The following LCORL variants were observed in gnomAD, a reference collection of about 807,000 sequenced individuals.
LCORL encodes the protein ligand dependent nuclear receptor corepressor like.
In LCORL, 41 loss-of-function variants were observed where a neutral mutation model predicts 141.8. That is an observed-to-expected ratio of 0.29 (90% CI 0.23 to 0.38). LCORL has a LOEUF of 0.38. Ranked by LOEUF, LCORL falls within the 10% of genes least tolerant of loss-of-function variation. LCORL has a pLI of 1.00. For synonymous variants in LCORL, 618 were observed against 694.1 expected (o/e 0.89, Z 1.72); for missense variants, 1,759 against 2,035.0 (o/e 0.86, Z 2.61).
Position 17,885,908 on chromosome 4 carries a change from GAGAA to G in LCORL, c.776+156_776+159del, listed in dbSNP as rs530054062. Among the ~76,000 whole-genome samples the G allele has an allele frequency of 1.9e-4, 29 of 151,940 alleles. No homozygotes were observed. In the South Asian group the frequency reaches 5.4e-3, roughly 28 times the overall value. Reference sequence around the variant, plus strand: ...TTTAACAGAAAGAATAAAAAAGAAAGAGAAAGGACAAATGAAAGGTATGAGAGAG... The same window carrying G: ...TTTAACAGAAAGAATAAAAAAGAAAGAGGACAAATGAAAGGTATGAGAGAG... On this transcript the variant is annotated intron_variant, in intron 6 of 7. Coordinates refer to ENST00000635767, the Ensembl canonical transcript of LCORL.
chr4:17,993,087 G>A (rs1029217472), intron 1 of LCORL, among the ~76,000 whole-genome samples: 2 of 151,902 alleles, frequency 1.3e-5, no homozygotes, highest in Admixed American at 1.3e-4. Flanking sequence ...AAAGACACAG[G>A]GACAAGAAAA....
At chr4:18,008,745 C>G (rs551539998) in intron 1 of LCORL, among the ~76,000 whole-genome samples, 10 of 152,208 alleles carry the variant, frequency 6.6e-5, no homozygotes, top group African/African-American at 2.4e-4. Context: ...TTTCAAGGGG[C>G]AATTCTTGGT....
intron 1 of LCORL, among the ~76,000 whole-genome samples, chr4:17,996,360 T>TA (rs1720923509): frequency 6.6e-6 from 1 of 152,124 alleles, no homozygotes; most frequent in African/African-American, 2.4e-5. Flanking sequence ...TAGCATGCTT[T>TA]AAAAGAAGAA....
rs181110717 is a variant in LCORL, at chr4:17,976,496, T to G, written c.155-3611A>C. On this transcript the variant is annotated intron_variant, in intron 1 of 7. Coordinates refer to ENST00000635767, the Ensembl canonical transcript of LCORL. ...CTTTTCACCATCTACTTTAAAACATTATAGTACCACTTAGTATGTAATGTA... is the reference window on the plus strand; with the variant it reads ...CTTTTCACCATCTACTTTAAAACATGATAGTACCACTTAGTATGTAATGTA... 6.2e-4 allele frequency among the ~76,000 whole-genome samples: 95 copies of G among 152,304 alleles called. 1 individual carries two copies. The highest frequency in any genetic ancestry group is 1.1e-3 in the Admixed American group (17 of 15,294).
At chr4:17,956,328 A>T (rs1712621257) in intron 4 of LCORL, among the ~76,000 whole-genome samples, 1 of 152,160 alleles carries the variant, frequency 6.6e-6, no homozygotes, top group African/African-American at 2.4e-5. Flanking sequence ...AAGGAAAAGA[A>T]ATCAGTATAT....
intron 4 of LCORL, among the ~76,000 whole-genome samples, chr4:17,944,941 A>G (rs1022013421): frequency 1.3e-5 from 2 of 152,208 alleles, no homozygotes; most frequent in African/African-American, 4.8e-5. Context: ...TATAATATAC[A>G]ACTAGCCAAT....
Position 17,912,820 on chromosome 4 carries a change from T to C in LCORL, c.431-3475A>G. On this transcript the variant is annotated intron_variant, in intron 4 of 7. Coordinates refer to ENST00000635767, the Ensembl canonical transcript of LCORL. Reference sequence around the variant, plus strand: ...CAAACATCAAGGTCAAGCTGGAGGCTAAGATCGACACCTGCTGGAAGATGG... The same window carrying C: ...CAAACATCAAGGTCAAGCTGGAGGCCAAGATCGACACCTGCTGGAAGATGG... 4 of 432,778 alleles carry C rather than the reference T, an allele frequency of 9.2e-6. 1 individual carries two copies. The highest frequency in any genetic ancestry group is 5.6e-5 in the South Asian group (3 of 53,712). 26.8% of individuals were successfully genotyped at this position (432,778 alleles called of 1,614,324 possible).
At chr4:17,875,441 G>A in exon 7 of LCORL, 5 of 1,231,290 alleles carry the variant, frequency 4.1e-6, no homozygotes, top group Non-Finnish European at 5.1e-6. Flanking sequence ...TAATATTTCT[G>A]GGACTATTAT....
intron 1 of LCORL, among the ~76,000 whole-genome samples, chr4:18,013,269 T>C (rs1300575271): frequency 6.6e-6 from 1 of 152,206 alleles, no homozygotes; most frequent in Non-Finnish European, 1.5e-5. Context: ...TAAGATTCCT[T>C]AAGGTGTGGT....
At chr4:17,890,883 G>A (rs1461665034) in intron 5 of LCORL, among the ~76,000 whole-genome samples, 7 of 151,942 alleles carry the variant, frequency 4.6e-5, no homozygotes, top group Non-Finnish European at 2.9e-5. Flanking sequence ...TTTCTTTCCT[G>A]TATTGTCATG....
At chr4:17,868,953 T>G (rs1726005060) in intron 7 of LCORL, among the ~76,000 whole-genome samples, 1 of 152,060 alleles carries the variant, frequency 6.6e-6, no homozygotes, top group Non-Finnish European at 1.5e-5. Context: ...CTACTCTTGA[T>G]TACCTCTTGA....
intron 4 of LCORL, among the ~76,000 whole-genome samples, chr4:17,931,877 T>C (rs758557345): frequency 6.6e-6 from 1 of 152,164 alleles, no homozygotes; most frequent in Non-Finnish European, 1.5e-5. Flanking sequence ...ACTTCACATA[T>C]CTTGGACTAA....
At position 17,877,426 on chromosome 4, in the gene LCORL, C is replaced by A. The variant is rs188027468; in HGVS notation, c.1564G>T (p.Gly522Cys). 214 of 1,229,316 alleles carry A rather than the reference C, an allele frequency of 1.7e-4. No individual in the cohort carries two copies. In the African/African-American group the frequency reaches 3.1e-3, roughly 18 times the overall value. The allele number at this position is 1,229,316 out of a possible 1,614,324, so 76.2% of individuals were successfully genotyped here. ...TCTTGAAAAATTACAGCAGTTTCACCTTTTTCATGATTTGTAGTAGAATTA... is the reference window on the plus strand; with the variant it reads ...TCTTGAAAAATTACAGCAGTTTCACATTTTTCATGATTTGTAGTAGAATTA... The change falls in exon 7 of 8, where the codon GGT (glycine) becomes TGT (cysteine). Residue 522 changes from glycine (G) to cysteine (C), a missense_variant. Physicochemically the swap from Gly to Cys is radical, Grantham distance 159 (BLOSUM62 -3). This residue lies in a region of LCORL where 1,311 missense variants were observed against 1,531.3 expected (regional missense o/e 0.86). Coordinates refer to ENST00000635767, the Ensembl canonical transcript of LCORL.
intron 7 of LCORL, among the ~76,000 whole-genome samples, chr4:17,865,771 A>ATT (rs770460791): frequency 2.0e-5 from 3 of 152,132 alleles, no homozygotes; most frequent in Non-Finnish European, 4.4e-5. Flanking sequence ...ATACTCAATC[A>ATT]AACTCTGTAG....
At chr4:17,921,049 A>T (rs1410137411) in intron 4 of LCORL, among the ~76,000 whole-genome samples, 1 of 152,060 alleles carries the variant, frequency 6.6e-6, no homozygotes, top group East Asian at 1.9e-4. Flanking sequence ...TTTTGAGACA[A>T]AGTCTCACTC....
rs537222071 is a variant in LCORL at position 17,900,849 on chromosome 4, A to G, written c.682+8245T>C. Among the ~76,000 whole-genome samples, 3 of 152,290 alleles carry G rather than the reference A, an allele frequency of 2.0e-5. No individual in the cohort carries two copies. The East Asian group carries it at 5.8e-4, about 29-fold the overall frequency. ...TGACAGGAAATAAAAGTGAGAGTAA[A>G]AATATATTTGAACAGATAATGGCTG... On this transcript the variant is annotated intron_variant, in intron 5 of 7. Transcript: ENST00000635767.
intron 1 of LCORL, among the ~76,000 whole-genome samples, chr4:17,973,267 T>C (rs189737476): frequency 1.1e-3 from 165 of 151,848 alleles, no homozygotes; most frequent in Non-Finnish European, 1.3e-3. Context: ...ACATGAAAAA[T>C]AGCATCTTTA....
intron 6 of LCORL, chr4:17,883,524 A>C: frequency 7.5e-7 from 1 of 1,325,312 alleles, no homozygotes; most frequent in Non-Finnish European, 9.6e-7. Flanking sequence ...GTCCACAGTG[A>C]AAACCCTGAA....
chr4:17,882,063 C>A (rs1367657131), intron 6 of LCORL: 1 of 983,452 alleles, frequency 1.0e-6, no homozygotes, highest in South Asian at 4.7e-5. Context: ...TCTCAGAGAC[C>A]AAATAACTGC....
Sources: allele counts gnomAD v4.1 joint callset (sites outside exome capture counted in the v4.1 genomes callset), GRCh38; gene constraint gnomAD v4.1.1; regional missense constraint gnomAD v4.1.1; transcripts MANE v1.5; gene names NCBI Gene and HGNC (gene_info 2026-07-23, HGNC 2026-07-21).